IRAG1: variants seen among roughly 807,000 people sequenced by gnomAD.
IRAG1 encodes the protein IP3R-associated cGMP kinase substrate.
In IRAG1, 62 loss-of-function variants were observed where a neutral mutation model predicts 106.2. The ratio of observed to expected loss-of-function variants is 0.58; its 90% CI spans 0.48 to 0.72. IRAG1 has a LOEUF of 0.72. Among genes scored for constraint, IRAG1 ranks in the 30% least tolerant of loss-of-function variants. The pLI, the probability that IRAG1 is intolerant of heterozygous loss-of-function variation, is 0.00. For synonymous variants in IRAG1, 462 were observed against 443.9 expected, an observed-to-expected ratio of 1.04 and a Z score of -0.51; for missense variants, 1,064 against 1,140.7, an observed-to-expected ratio of 0.93 and a Z score of 0.97.
intron 2 of IRAG1, among the ~76,000 whole-genome samples, chr11:10,634,500 C>A (rs1490923902): frequency 6.6e-6 from 1 of 152,158 alleles, no homozygotes; most frequent in Non-Finnish European, 1.5e-5. Flanking sequence ...AACGTATTCA[C>A]CTCATAACCA....
chr11:10,687,479 G>A (rs1294127550), intron 1 of IRAG1: 1 of 282,206 alleles, frequency 3.5e-6, no homozygotes, highest in African/African-American at 2.3e-5. Flanking sequence ...GGATAAATCT[G>A]CTCAATGCAA....
chr11:10,672,443 A>G (rs892511037), intron 1 of IRAG1, among the ~76,000 whole-genome samples: 13 of 152,260 alleles, frequency 8.5e-5, no homozygotes, highest in African/African-American at 2.4e-4. Flanking sequence ...TAGCATATCT[A>G]ATAAAGGACT....
chr11:10,690,371 TAA>T (rs397966784), intron 1 of IRAG1: 1,378 of 1,169,642 alleles, frequency 1.2e-3, no homozygotes, highest in East Asian at 4.0e-3. Flanking sequence ...AGACCCTGTC[TAA>T]AAAAAAAAAA....
At chr11:10,633,288 G>C (rs764410771) in intron 3 of IRAG1, among the ~76,000 whole-genome samples, 10 of 152,160 alleles carry the variant, frequency 6.6e-5, no homozygotes, top group South Asian at 6.2e-4. Flanking sequence ...TGTTAGCCAG[G>C]ATGGTCTCGA....
chr11:10,637,128 A>T (rs1857203683), intron 2 of IRAG1, among the ~76,000 whole-genome samples: 1 of 152,250 alleles, frequency 6.6e-6, no homozygotes, highest in Admixed American at 6.5e-5. Context: ...CAGATCATCC[A>T]TGCATCCCTC....
intron 15 of IRAG1, chr11:10,599,910 T>C (rs144853682): frequency 4.6e-5 from 7 of 152,330 alleles, no homozygotes; most frequent in African/African-American, 1.7e-4. Flanking sequence ...TAAAGGCTGA[T>C]TACCTCATGT....
chr11:10,615,931 A>G lies in IRAG1; in HGVS notation c.1448-6080T>C, dbSNP rs1380816830. 2.0e-5 allele frequency among the ~76,000 whole-genome samples: 3 copies of G among 149,824 alleles called. No homozygotes were observed. In the East Asian group the frequency reaches 6.0e-4, roughly 30 times the overall value. The stretch of plus-strand genomic sequence containing the variant: ...CATGTACCTTAGAACTTAAAGTATA[A>G]TAATAAAAAAAAGTATATTACTAAG... On this transcript the variant is annotated intron_variant, in intron 10 of 20. Transcript: ENST00000423302.
At chr11:10,682,675 T>C (rs1207595267) in intron 1 of IRAG1, among the ~76,000 whole-genome samples, 1 of 152,228 alleles carries the variant, frequency 6.6e-6, no homozygotes, top group African/African-American at 2.4e-5. Flanking sequence ...AAATTCTCTG[T>C]ATATGGGGTT....
chr11:10,614,740 G>C (rs1016346958), intron 10 of IRAG1, among the ~76,000 whole-genome samples: 1 of 152,230 alleles, frequency 6.6e-6, no homozygotes, highest in African/African-American at 2.4e-5. Context: ...CTAGCCATAT[G>C]TAGAAAGCTG....
chr11:10,635,247 G>A (rs1165820196), intron 2 of IRAG1, among the ~76,000 whole-genome samples: 20 of 152,220 alleles, frequency 1.3e-4, no homozygotes, highest in Admixed American at 1.3e-3. Flanking sequence ...ATCAACTTAA[G>A]AGGGTGCCTG....
Position 10,647,240 on chromosome 11 carries a change from C to T in IRAG1, c.225+4785G>A, listed in dbSNP as rs1589910194. On this transcript the variant is annotated intron_variant, in intron 2 of 20. Transcript: ENST00000423302. The surrounding 1 kb of genome is among the most constrained non-coding windows in gnomAD (Gnocchi z 4.3). ...AAGCATGGGCTTTGGGGTCAGGCTG[C>T]CTGGGCCCAGATCCTGGGCCTGCCA... Among the ~76,000 whole-genome samples, 1 of 152,160 alleles carries T rather than the reference C, an allele frequency of 6.6e-6. No homozygotes were observed. Among genetic ancestry groups the T allele is most frequent in the East Asian group, 1.9e-4 (1 of 5,174 alleles).
chr11:10,690,284 G>T, intron 1 of IRAG1: 1 of 698,480 alleles, frequency 1.4e-6, no homozygotes, highest in Non-Finnish European at 2.1e-6. Flanking sequence ...CAGCTACTTG[G>T]GAGGCTGAGG....
chr11:10,658,727 C>A, intron 1 of IRAG1: 1 of 202,664 alleles, frequency 4.9e-6, no homozygotes, highest in Non-Finnish European at 9.7e-6. Flanking sequence ...CAGGTCAGTG[C>A]TGTGGTCAGT....
intron 16 of IRAG1, chr11:10,593,845 T>C: frequency 1.7e-6 from 1 of 573,060 alleles, no homozygotes; most frequent in Non-Finnish European, 3.1e-6. Context: ...AGATACAGAA[T>C]GGAAATGACC....
At chr11:10,594,612 A>T (rs1451661677) in intron 15 of IRAG1, among the ~76,000 whole-genome samples, 1 of 152,192 alleles carries the variant, frequency 6.6e-6, no homozygotes. Flanking sequence ...AAATAATGAA[A>T]ACTTGCTAAC....
At chr11:10,667,768 G>A (rs913496852) in intron 1 of IRAG1, among the ~76,000 whole-genome samples, 39 of 152,140 alleles carry the variant, frequency 2.6e-4, no homozygotes, top group African/African-American at 8.9e-4. Context: ...AAGCACCTGA[G>A]GTGCTTGATA....
intron 2 of IRAG1, among the ~76,000 whole-genome samples, chr11:10,650,971 C>T (rs7935285): frequency 0.22 from 32,910 of 152,164 alleles, 4,780 homozygotes; most frequent in East Asian, 0.77. Flanking sequence ...CATGAAAATA[C>T]TCACTAAGAA....
intron 10 of IRAG1, among the ~76,000 whole-genome samples, chr11:10,618,761 T>C (rs761654229): frequency 2.6e-5 from 4 of 152,110 alleles, no homozygotes; most frequent in Non-Finnish European, 5.9e-5. Flanking sequence ...GCCAAAATAT[T>C]GTGAGTGAGA....
At position 10,657,349 on chromosome 11, in the gene IRAG1, C is replaced by T. The variant is rs531901858; in HGVS notation, c.68-5167G>A. ...TCTGATGCTCCCCTTCCTTGCAGGG[C>T]CAAGCCTGTTCTCGGCAGGCAGCAG... On this transcript the variant is annotated intron_variant, in intron 1 of 20. Transcript: ENST00000423302. The surrounding 1 kb of genome is among the most constrained non-coding windows in gnomAD (Gnocchi z 4.1). Among the ~76,000 whole-genome samples, 5 of 152,308 alleles carry T rather than the reference C, an allele frequency of 3.3e-5. No homozygotes were observed. The highest frequency in any genetic ancestry group is 9.6e-5 in the African/African-American group (4 of 41,562).
Sources: gnomAD v4.1 joint callset for allele counts (sites outside exome capture counted in the v4.1 genomes callset) on GRCh38, gnomAD v4.1.1 for gene constraint, Gnocchi (gnomAD v3.1) non-coding constraint, MANE v1.5 for transcripts, NCBI Gene and HGNC (gene_info 2026-07-23, HGNC 2026-07-21) for gene names.